NBPF11: variants seen among roughly 807,000 people sequenced by gnomAD.
NBPF11 encodes the protein NBPF member 11, also known as NBPF family member NBPF11.
NBPF11 carries 72 observed loss-of-function variants against 93.9 expected under a neutral mutation model. The observed-to-expected ratio is 0.77, with a 90% CI of 0.63 to 0.93. The LOEUF is 0.93. Ranked by LOEUF, NBPF11 falls within the 40% of genes least tolerant of loss-of-function variation. The pLI is 0.00. For synonymous variants in NBPF11, 224 were observed against 304.9 expected (o/e 0.73, Z 2.76); for missense variants, 705 against 802.2 (o/e 0.88, Z 1.46).
intron 23 of NBPF11, 109 bp from the exon 24 acceptor site, chr1:148,104,021 A>T (rs1414249345): frequency 6.2e-7 from 1 of 1,603,832 alleles, no homozygotes; most frequent in Non-Finnish European, 8.5e-7. Flanking sequence ...GAAAAAGGAC[A>T]GATCCATTAA....
At chr1:148,123,210 T>C (rs2149240161) in intron 7 of NBPF11, among the ~76,000 whole-genome samples, 1 of 152,136 alleles carries the variant, frequency 6.6e-6, no homozygotes, top group African/African-American at 2.4e-5. Flanking sequence ...CCTCTATGCG[T>C]CATGAGACTG....
intron 14 of NBPF11, among the ~76,000 whole-genome samples, 193 bp downstream of exon 14, chr1:148,115,600 A>G: frequency 6.6e-6 from 1 of 151,824 alleles, no homozygotes; most frequent in Non-Finnish European, 1.5e-5. Flanking sequence ...CCTGGGGTCG[A>G]GTAACTTGAT....
intron 1 of NBPF11, chr1:148,146,635 C>T (rs1348057475): frequency 6.2e-6 from 10 of 1,611,330 alleles, no homozygotes; most frequent in African/African-American, 1.3e-5. Context: ...GTACAGCCAG[C>T]GCGAGCTGGA....
At position 148,103,562 on chromosome 1, in the gene NBPF11, C is replaced by T. The variant is rs1237464731; in HGVS notation, c.*334G>A. 1.3e-5 allele frequency: 20 copies of T among 1,591,058 alleles called. No homozygotes were observed. In the African/African-American group the frequency reaches 2.4e-4, roughly 19 times the overall value. ...TAGGAATAGAGCCATGCCCACTGAC[C>T]CATCCTATGTCTGGGCTTCCAAATG... On this transcript the variant is annotated 3_prime_UTR_variant, in exon 24 of 24. Transcript: ENST00000682118.
chr1:148,111,729 G>A (rs1317427542), intron 15 of NBPF11, among the ~76,000 whole-genome samples: 2 of 151,742 alleles, frequency 1.3e-5, no homozygotes, highest in African/African-American at 2.4e-5. Flanking sequence ...AAATGAACAA[G>A]CCTCCAATAA....
intron 4 of NBPF11, 79 bp downstream of exon 4, chr1:148,135,593 A>G (rs1671146342): frequency 2.0e-6 from 1 of 503,422 alleles, no homozygotes; most frequent in Non-Finnish European, 3.5e-6. Context: ...GATTAGAGAG[A>G]AAAATAAAGG....
chr1:148,109,187 A>C (rs1664638271), intron 17 of NBPF11, 97 bp downstream of exon 17: 1 of 967,046 alleles, frequency 1.0e-6, no homozygotes, highest in Non-Finnish European at 1.7e-6. Context: ...TTGTCTGACA[A>C]GACAAAATCA....
chr1:148,138,922 C>A (rs1192942589), intron 2 of NBPF11, among the ~76,000 whole-genome samples: 1 of 151,406 alleles, frequency 6.6e-6, no homozygotes, highest in African/African-American at 2.4e-5. Flanking sequence ...GAAACCCTGT[C>A]TCTACCAAAA....
At chr1:148,124,319 G>C (rs1318820151) in intron 6 of NBPF11, among the ~76,000 whole-genome samples, 1 of 151,084 alleles carries the variant, frequency 6.6e-6, no homozygotes, top group Non-Finnish European at 1.5e-5. Context: ...AATAAAAGTA[G>C]GTGTCTTCCT....
At chr1:148,146,543 C>A in intron 1 of NBPF11, 1 of 1,603,898 alleles carries the variant, frequency 6.2e-7, no homozygotes, top group Non-Finnish European at 8.5e-7. Context: ...GGGGCCGGGG[C>A]CGCCCCCTTG....
intron 1 of NBPF11, among the ~76,000 whole-genome samples, chr1:148,147,680 C>T (rs1673406563): frequency 1.3e-5 from 2 of 151,968 alleles, no homozygotes; most frequent in South Asian, 2.1e-4. Flanking sequence ...GTCAGAGGCC[C>T]TAGGGAGGTG....
chr1:148,104,435 G>A, intron 23 of NBPF11, 102 bp downstream of exon 23: 2 of 618,678 alleles, frequency 3.2e-6, no homozygotes, highest in Non-Finnish European at 5.6e-6. Context: ...GAGTAATTCA[G>A]CCTTCGTTGA....
chr1:148,128,350 G>GGT (rs1270597420), intron 4 of NBPF11, among the ~76,000 whole-genome samples: 2 of 78,826 alleles, frequency 2.5e-5, no homozygotes, highest in Non-Finnish European at 5.0e-5. Flanking sequence ...AACTATGCCA[G>GGT]GTGTGTAGTG....
intron 2 of NBPF11, among the ~76,000 whole-genome samples, chr1:148,140,253 A>G (rs1241320459): frequency 1.3e-5 from 2 of 152,008 alleles, no homozygotes; most frequent in Non-Finnish European, 2.9e-5. Context: ...AAATCCAGGT[A>G]TGCATGTTAT....
At chr1:148,144,072 C>A (rs1218678278) in intron 1 of NBPF11, among the ~76,000 whole-genome samples, 2 of 151,844 alleles carry the variant, frequency 1.3e-5, no homozygotes, top group South Asian at 4.1e-4. Context: ...ATTTGAGTAG[C>A]CAGGGAAGTT....
At chr1:148,124,138 G>T (rs1668533017) in intron 6 of NBPF11, 71 bp from the exon 7 acceptor site, 3 of 1,567,546 alleles carry the variant, frequency 1.9e-6, no homozygotes, top group African/African-American at 2.7e-5. Flanking sequence ...TTGCAACAGA[G>T]ATTTCTGAGA....
intron 1 of NBPF11, chr1:148,146,379 C>G: frequency 6.4e-7 from 1 of 1,568,634 alleles, no homozygotes; most frequent in Admixed American, 1.8e-5. Context: ...GAGGCCCGGC[C>G]CGGGCGGCGC....
At chr1:148,145,014 G>A (rs1672767652) in intron 1 of NBPF11, among the ~76,000 whole-genome samples, 2 of 148,352 alleles carry the variant, frequency 1.3e-5, no homozygotes, top group Admixed American at 1.3e-4. Context: ...TGAGGCAGGA[G>A]GATTGCTTGA....
chr1:148,151,208 G>A (rs1295459448), intron 1 of NBPF11, among the ~76,000 whole-genome samples: 3 of 151,894 alleles, frequency 2.0e-5, no homozygotes, highest in Admixed American at 6.5e-5. Context: ...TTAATTGGAG[G>A]CTTGCCCCGC....
Sources: gnomAD v4.1 joint callset for allele counts (sites outside exome capture counted in the v4.1 genomes callset) on GRCh38, gnomAD v4.1.1 for gene constraint, MANE v1.5 for transcripts, NCBI Gene and HGNC (gene_info 2026-07-23, HGNC 2026-07-21) for gene names.